The following SPG21 variants were observed in gnomAD, a reference collection of about 807,000 sequenced individuals.
SPG21 encodes the protein maspardin.
A neutral mutation model predicts 38.9 loss-of-function variants in SPG21; 26 were observed. That is an observed-to-expected ratio of 0.67 (90% CI 0.49 to 0.93). SPG21 has a LOEUF of 0.93. Among genes scored for constraint, SPG21 ranks in the 40% least tolerant of loss-of-function variants. SPG21 has a pLI of 0.00. For missense variants in SPG21, 333 were observed against 376.5 expected (o/e 0.88, Z 0.96); for synonymous variants, 136 against 128.9 (o/e 1.05, Z -0.37).
rs746727424 is a variant in SPG21 at position 64,970,098 on chromosome 15, A to G, written c.561+16T>C. 6.3e-6 allele frequency: 10 copies of G among 1,591,930 alleles called. No homozygotes were observed. The highest frequency in any genetic ancestry group is 8.6e-6 in the Non-Finnish European group (10 of 1,159,814). On this transcript the variant is annotated intron_variant, in intron 6 of 8. Coordinates refer to ENST00000204566, the MANE Select transcript of SPG21 (RefSeq NM_016630.7). Reference sequence around the variant, plus strand: ...CCCAATACAATGTGTCCCCAACCCAATGTCATGATCCTTACCCTGTCTACC... The same window carrying G: ...CCCAATACAATGTGTCCCCAACCCAGTGTCATGATCCTTACCCTGTCTACC...
At chr15:64,963,777 C>G (rs1040112620) in intron 8 of SPG21, 41 bp from the exon 9 acceptor site, 1 of 1,575,202 alleles carries the variant, frequency 6.3e-7, no homozygotes, top group African/African-American at 1.3e-5. Flanking sequence ...ATTTTTTGAG[C>G]TGGAGTGTCA....
chr15:64,965,213 A>G (rs577974140), intron 8 of SPG21, 107 bp downstream of exon 8: 56 of 1,458,000 alleles, frequency 3.8e-5, no homozygotes, highest in Admixed American at 3.5e-4. Context: ...CATTTCTACA[A>G]GGAATTCTGT....
intron 3 of SPG21, 141 bp downstream of exon 3, chr15:64,980,723 G>A (rs547895778): frequency 2.3e-5 from 24 of 1,029,700 alleles, no homozygotes; most frequent in Middle Eastern, 3.0e-4. Flanking sequence ...GGGCGACAGA[G>A]TGAGAATCCA....
At chr15:64,983,390 G>T in intron 2 of SPG21, 117 bp downstream of exon 2, 1 of 745,626 alleles carries the variant, frequency 1.3e-6, no homozygotes, top group Non-Finnish European at 2.4e-6. Flanking sequence ...GCAACCCACA[G>T]TCATGATACT....
intron 1 of SPG21, among the ~76,000 whole-genome samples, chr15:64,984,727 T>C (rs2085953977): frequency 6.6e-6 from 1 of 150,652 alleles, no homozygotes; most frequent in Non-Finnish European, 1.5e-5. Context: ...TAATAGCACA[T>C]AACCAGAAAT....
chr15:64,971,262 A>G (rs938591740), intron 5 of SPG21, among the ~76,000 whole-genome samples: 7 of 151,746 alleles, frequency 4.6e-5, no homozygotes, highest in African/African-American at 1.2e-4. Context: ...AGCCGGGGCC[A>G]GGCACGGTGG....
rs1344716790 is a variant in SPG21, at chr15:64,974,687, G to A, written c.367C>T (p.His123Tyr). The change falls in exon 5 of 9, where the codon CAC becomes TAC. Residue 123 changes from histidine to tyrosine, a missense_variant. Transcript: ENST00000204566. Reference protein sequence around the residue: ...FLAQKFAEYTHKSPRVHSLIL... With the variant: ...FLAQKFAEYTYKSPRVHSLIL... ...AGGGAATGGACTCTAGGAGATTTGTGAGTGTATTCAGCAAATTTCTGGGCC... is the reference window on the plus strand; with the variant it reads ...AGGGAATGGACTCTAGGAGATTTGTAAGTGTATTCAGCAAATTTCTGGGCC... The A allele has an allele frequency of 3.1e-6, 5 of 1,614,146 alleles. No individual in the cohort carries two copies. The Admixed American group carries it at 6.7e-5, about 22-fold the overall frequency.
chr15:64,967,755 G>T (rs867152690), intron 7 of SPG21, among the ~76,000 whole-genome samples: 1 of 152,102 alleles, frequency 6.6e-6, no homozygotes, highest in Non-Finnish European at 1.5e-5. Context: ...ACAGGGGTGA[G>T]CCACCGCGCC....
In SPG21 at chr15:64,963,609, CGA is replaced by C. The variant is rs1566922159; in HGVS notation, c.*9_*10del. 2 of 1,607,534 alleles carry C rather than the reference CGA, an allele frequency of 1.2e-6. No individual in the cohort carries two copies. Among genetic ancestry groups the C allele is most frequent in the Admixed American group, 1.7e-5 (1 of 59,998 alleles). On this transcript the variant is annotated 3_prime_UTR_variant, in exon 9 of 9. Coordinates refer to ENST00000204566, the MANE Select transcript of SPG21 (RefSeq NM_016630.7). ...CACCGGGTCAACTCATCATTGACAG[CGA>C]GAGACACACTACTGCTCCTCCTGGC...
chr15:64,980,327 G>C (rs1296604075), intron 3 of SPG21, among the ~76,000 whole-genome samples: 1 of 152,192 alleles, frequency 6.6e-6, no homozygotes, highest in African/African-American at 2.4e-5. Context: ...GCATGGAGAG[G>C]CTGCCAAAAG....
chr15:64,966,792 G>T (rs2085548682), intron 7 of SPG21, among the ~76,000 whole-genome samples: 1 of 152,084 alleles, frequency 6.6e-6, no homozygotes, highest in African/African-American at 2.4e-5. Context: ...CCAGCTACTT[G>T]GGAGGCTGAG....
Position 64,963,582 on chromosome 15 carries a change from C to T in SPG21, c.*38G>A. The stretch of plus-strand genomic sequence containing the variant: ...GCTGATGCCACTGACTATACAAGAA[C>T]ACACCGGGTCAACTCATCATTGACA... On this transcript the variant is annotated 3_prime_UTR_variant, in exon 9 of 9. Transcript: ENST00000204566. 6.4e-7 allele frequency: 1 copy of T among 1,560,302 alleles called. No individual in the cohort carries two copies. The highest frequency in any genetic ancestry group is 1.1e-5 in the South Asian group (1 of 90,008).
At chr15:64,970,888 T>C (rs1252161114) in intron 5 of SPG21, among the ~76,000 whole-genome samples, 1 of 152,020 alleles carries the variant, frequency 6.6e-6, no homozygotes, top group Non-Finnish European at 1.5e-5. Context: ...TACAGGCACA[T>C]GCCACCACGC....
chr15:64,969,822 T>TG (rs1429159970), intron 6 of SPG21, among the ~76,000 whole-genome samples: 1 of 151,756 alleles, frequency 6.6e-6, no homozygotes, highest in African/African-American at 2.4e-5. Context: ...AGGAAAAGTG[T>TG]GAAGTAAAAA....
chr15:64,974,543 C>T (rs1426337122), intron 5 of SPG21, 59 bp downstream of exon 5: 1 of 1,596,480 alleles, frequency 6.3e-7, no homozygotes, highest in Non-Finnish European at 8.6e-7. Flanking sequence ...ATGTACCAAA[C>T]ACTCAAAAGC....
Position 64,983,674 on chromosome 15 carries a change from C to G in SPG21, c.-24-81G>C, listed in dbSNP as rs1459244540. The G allele has an allele frequency of 4.6e-6, 4 of 862,008 alleles. No homozygotes were observed. The Admixed American group carries it at 6.3e-5, about 14-fold the overall frequency. 53.4% of individuals were successfully genotyped at this position (862,008 alleles called of 1,614,324 possible). On this transcript the variant is annotated intron_variant, in intron 1 of 8. Coordinates refer to ENST00000204566, the MANE Select transcript of SPG21 (RefSeq NM_016630.7). ...AAATGTAGAGTCTCATCTAGCTATA[C>G]CAACAATATTTTAAAGAAGAAAGCC...
intron 7 of SPG21, among the ~76,000 whole-genome samples, chr15:64,968,573 T>C (rs1385771969): frequency 6.6e-6 from 1 of 152,098 alleles, no homozygotes; most frequent in Non-Finnish European, 1.5e-5. Flanking sequence ...TTAATGGGTA[T>C]GCAATTTCTT....
intron 1 of SPG21, among the ~76,000 whole-genome samples, chr15:64,984,908 C>T (rs142806489): frequency 8.4e-4 from 128 of 152,158 alleles, no homozygotes; most frequent in Middle Eastern, 3.4e-3. Context: ...TGCCACTGCG[C>T]CCGGCTAATT....
At chr15:64,964,098 T>C (rs1459414522) in intron 8 of SPG21, among the ~76,000 whole-genome samples, 2 of 152,170 alleles carry the variant, frequency 1.3e-5, no homozygotes, top group Admixed American at 1.3e-4. Context: ...GTAAAATGTA[T>C]ACTGCCTTCT....
Sources: gnomAD v4.1 joint callset for allele counts (sites outside exome capture counted in the v4.1 genomes callset) on GRCh38, gnomAD v4.1.1 for gene constraint, MANE v1.5 for transcripts, NCBI Gene and HGNC (gene_info 2026-07-23, HGNC 2026-07-21) for gene names.